The following PDE1C variants were observed in gnomAD, a reference collection of about 807,000 sequenced individuals.
PDE1C encodes the protein dual specificity calcium/calmodulin-dependent 3',5'-cyclic nucleotide phosphodiesterase 1C.
Under a neutral mutation model 93.1 loss-of-function variants are expected in PDE1C, and 62 were observed. That is an observed-to-expected ratio of 0.67 (90% CI 0.54 to 0.82). PDE1C has a LOEUF of 0.82. Ranked by LOEUF, PDE1C falls within the 40% of genes least tolerant of loss-of-function variation. PDE1C has a pLI of 0.00. For missense variants in PDE1C, 742 were observed against 884.6 expected (o/e 0.84, Z 2.04); for synonymous variants, 325 against 310.1 (o/e 1.05, Z -0.50).
At chr7:32,298,731 G>C in exon 1 of PDE1C, 3 of 1,592,894 alleles carry the variant, frequency 1.9e-6, no homozygotes, top group Non-Finnish European at 2.6e-6. Flanking sequence ...GCCGGCGTCC[G>C]TCATGGCTCG....
At chr7:31,767,039 A>T (rs7798597) in intron 17 of PDE1C, among the ~76,000 whole-genome samples, 1 of 151,966 alleles carries the variant, frequency 6.6e-6, no homozygotes, top group Non-Finnish European at 1.5e-5. Flanking sequence ...TTTCTTTCTT[A>T]TCTAATCAAA....
downstream of PDE1C, among the ~76,000 whole-genome samples, chr7:31,750,771 G>A (rs1045644121): frequency 3.9e-5 from 6 of 152,178 alleles, no homozygotes; most frequent in African/African-American, 1.2e-4. Flanking sequence ...TCGCTCTGTC[G>A]CCCAGGCTGG....
chr7:31,851,900 T>C (rs535160134), intron 7 of PDE1C, among the ~76,000 whole-genome samples: 7 of 152,320 alleles, frequency 4.6e-5, no homozygotes, highest in African/African-American at 1.4e-4. Context: ...GTTTGCTTCA[T>C]GCACATCTTT....
chr7:32,426,833 G>A (rs1785543417), intron 1 of PDE1C, among the ~76,000 whole-genome samples: 1 of 152,138 alleles, frequency 6.6e-6, no homozygotes, highest in South Asian at 2.1e-4. Context: ...TAAACTGTAA[G>A]CCAGTCCCCC....
intron 2 of PDE1C, among the ~76,000 whole-genome samples, chr7:32,184,624 G>T (rs1803710470): frequency 6.6e-6 from 1 of 152,060 alleles, no homozygotes; most frequent in Admixed American, 6.5e-5. Context: ...ACAGGAAGGG[G>T]AACATCACAC....
intron 7 of PDE1C, among the ~76,000 whole-genome samples, chr7:31,864,367 A>T (rs2270220): frequency 0.51 from 77,616 of 151,780 alleles, 21,558 homozygotes; most frequent in Non-Finnish European, 0.62. Context: ...TTAAAAAAAA[A>T]TTTTTAAAGC....
chr7:31,729,970 C>T, the PDE1C span, among the ~76,000 whole-genome samples: 2 of 152,126 alleles, frequency 1.3e-5, no homozygotes, highest in Non-Finnish European at 2.9e-5. Context: ...GTATCAGCCC[C>T]GTCACTCACT....
intron 2 of PDE1C, among the ~76,000 whole-genome samples, chr7:32,019,814 G>A (rs1788408234): frequency 6.6e-6 from 1 of 152,146 alleles, no homozygotes; most frequent in Non-Finnish European, 1.5e-5. Flanking sequence ...GCCCTTCACT[G>A]AAGTAGGGAA....
chr7:32,009,501 T>C (rs1001610597), intron 2 of PDE1C, among the ~76,000 whole-genome samples: 1 of 152,214 alleles, frequency 6.6e-6, no homozygotes, highest in Admixed American at 6.5e-5. Context: ...GTAGTTATAA[T>C]GGAGACCCTG....
intron 2 of PDE1C, among the ~76,000 whole-genome samples, chr7:31,944,846 C>T (rs35559544): frequency 0.13 from 19,220 of 152,088 alleles, 1,551 homozygotes; most frequent in South Asian, 0.2. Context: ...CCATCATCTA[C>T]TTAAAAAATA....
intron 1 of PDE1C, among the ~76,000 whole-genome samples, chr7:32,333,995 A>G (rs2128077875): frequency 6.6e-6 from 1 of 152,322 alleles, no homozygotes; most frequent in Middle Eastern, 3.4e-3. Context: ...GAGAAAGGGT[A>G]TTGAAACCTA....
chr7:31,914,728 T>C (rs2128945779), intron 2 of PDE1C, among the ~76,000 whole-genome samples: 1 of 152,316 alleles, frequency 6.6e-6, no homozygotes, highest in East Asian at 1.9e-4. Flanking sequence ...AATTATAACA[T>C]GATTATCTTG....
intron 3 of PDE1C, among the ~76,000 whole-genome samples, chr7:32,118,369 T>A (rs1156392284): frequency 6.6e-6 from 1 of 152,144 alleles, no homozygotes; most frequent in Non-Finnish European, 1.5e-5. Flanking sequence ...CATGATTCAG[T>A]AGAGAGGAAA....
the PDE1C span, among the ~76,000 whole-genome samples, chr7:31,739,022 A>G: frequency 6.1e-5 from 8 of 130,368 alleles, no homozygotes; most frequent in Non-Finnish European, 1.1e-4. Context: ...CCACATATAC[A>G]TATGCATGTA....
chr7:31,647,671 CTCAAA>C, the PDE1C span, among the ~76,000 whole-genome samples: 1 of 44,508 alleles, frequency 2.2e-5, no homozygotes, highest in African/African-American at 1.3e-4. Context: ...GAGTCTCCGT[CTCAAA>C]AAAAAAAAAA....
At chr7:32,033,102 A>T (rs964232253) in intron 2 of PDE1C, among the ~76,000 whole-genome samples, 1 of 152,120 alleles carries the variant, frequency 6.6e-6, no homozygotes, top group Non-Finnish European at 1.5e-5. Flanking sequence ...AGGAGGGCTG[A>T]ATCCCCAGGC....
At chr7:32,243,451 A>G (rs1808687724) in intron 1 of PDE1C, among the ~76,000 whole-genome samples, 1 of 152,194 alleles carries the variant, frequency 6.6e-6, no homozygotes, top group South Asian at 2.1e-4. Flanking sequence ...GTGGTTTTCA[A>G]TTATTCATAC....
chr7:32,207,200 C>T (rs1584959001), intron 2 of PDE1C, among the ~76,000 whole-genome samples: 2 of 152,246 alleles, frequency 1.3e-5, no homozygotes, highest in Admixed American at 1.3e-4. Context: ...TCTCTGCTGA[C>T]CTCTAGAGGG....
intron 1 of PDE1C, among the ~76,000 whole-genome samples, chr7:32,386,883 A>ATT (rs570771487): frequency 3.2e-4 from 47 of 146,832 alleles, no homozygotes; most frequent in African/African-American, 1.1e-3. Flanking sequence ...TTTTATTTTT[A>ATT]TTTTTTTTTT....
Sources: gnomAD v4.1 joint callset for allele counts (sites outside exome capture counted in the v4.1 genomes callset) on GRCh38, gnomAD v4.1.1 for gene constraint, MANE v1.5 for transcripts, NCBI Gene and HGNC (gene_info 2026-07-23, HGNC 2026-07-21) for gene names.